ATXN1L: variants seen among roughly 807,000 people sequenced by gnomAD.
ATXN1L encodes the protein ataxin 1 like.
In ATXN1L, 8 loss-of-function variants were observed where a neutral mutation model predicts 43.4. The ratio of observed to expected loss-of-function variants is 0.18; its 90% CI spans 0.11 to 0.33. The LOEUF (loss-of-function observed/expected upper bound fraction) is 0.33, where lower values mean the gene tolerates loss of function less well. ATXN1L is among the 10% of genes least tolerant of loss of function. The probability of loss-of-function intolerance (pLI) is 1.00; values close to 1 mark genes in which losing one functional copy is unlikely to be tolerated. For missense variants in ATXN1L, 856 were observed against 885.4 expected (o/e 0.97, Z 0.42); for synonymous variants, 379 against 360.6 (o/e 1.05, Z -0.58).
chr16:71,847,196 C>T (rs2142319769), intron 1 of ATXN1L, among the ~76,000 whole-genome samples: 2 of 152,282 alleles, frequency 1.3e-5, no homozygotes, highest in South Asian at 4.1e-4. Flanking sequence ...TAGTCAGTTT[C>T]TCAGAGCACT....
In ATXN1L at chr16:71,851,527, C is replaced by G; in HGVS notation, c.1787C>G (p.Ala596Gly). Residue 596 changes from alanine to glycine, a missense_variant, in exon 3 of 3, where the codon GCT (alanine) becomes GGT (glycine). Transcript: ENST00000427980. This position sits in a 1 kb window ranked among gnomAD's most constrained non-coding sequence, Gnocchi z 4.9. The part of the protein sequence containing the change: ...NSNSVSQASC[A>G]PPSQLGPPRE... Reference sequence around the variant, plus strand: ...AACTCAGTTTCTCAGGCCAGCTGTGCTCCCCCAAGCCAGCTGGGTCCCCCC... The same window carrying G: ...AACTCAGTTTCTCAGGCCAGCTGTGGTCCCCCAAGCCAGCTGGGTCCCCCC... 1 of 1,551,584 alleles carries G rather than the reference C, an allele frequency of 6.4e-7. No homozygotes were observed. The highest frequency in any genetic ancestry group is 1.4e-5 in the African/African-American group (1 of 73,116).
rs368965014 is a variant in ATXN1L at position 71,850,078 on chromosome 16, C to T, written c.338C>T (p.Ala113Val). The change falls in exon 3 of 3, where the codon GCG (alanine) becomes GTG (valine). Residue 113 changes from alanine (A) to valine (V), a missense_variant. Ala to Val is a moderately conservative substitution (Grantham distance 64). Coordinates refer to ENST00000427980, the MANE Select transcript of ATXN1L (RefSeq NM_001137675.4). The part of the protein sequence containing the change: ...MSPLPPTFNV[A>V]SSLIQHPGIH... ...CCCTTGCCCCCAACGTTTAATGTAG[C>T]GTCTTCACTAATTCAACATCCAGGC... is the stretch of plus-strand genomic sequence containing the variant. 6.4e-7 allele frequency: 1 copy of T among 1,551,696 alleles called. No homozygotes were observed. The highest frequency in any genetic ancestry group is 8.7e-7 in the Non-Finnish European group (1 of 1,146,982).
rs2142323857 is a variant in ATXN1L at position 71,852,965 on chromosome 16, A to C, written c.*1155A>C. On this transcript the variant is annotated 3_prime_UTR_variant, in exon 3 of 3. Coordinates refer to ENST00000427980, the MANE Select transcript of ATXN1L (RefSeq NM_001137675.4). ...TCAAAATCATGTCCCCTCCACTTCC[A>C]CTGCCAAACAGCTTGGTGAAGAAAC... is the stretch of plus-strand genomic sequence containing the variant. 6.0e-6 allele frequency: 1 copy of C among 167,066 alleles called. No individual in the cohort carries two copies. The highest frequency in any genetic ancestry group is 1.9e-4 in the East Asian group (1 of 5,170). 10.3% of individuals were successfully genotyped at this position (167,066 alleles called of 1,614,324 possible). A position where few individuals can be genotyped will look rare whatever the true frequency, so the allele number is the denominator to read the frequency against.
Position 71,851,530 on chromosome 16 carries a change from C to T in ATXN1L, c.1790C>T (p.Pro597Leu). 3 of 1,551,534 alleles carry T rather than the reference C, an allele frequency of 1.9e-6. No individual in the cohort carries two copies. Among genetic ancestry groups the T allele is most frequent in the Non-Finnish European group, 8.7e-7 (1 of 1,146,948 alleles). The change falls in exon 3 of 3, where the codon CCC (proline) becomes CTC (leucine). Residue 597 changes from proline (P) to leucine (L), a missense_variant. Pro to Leu is a moderately conservative substitution (Grantham distance 98, BLOSUM62 -3). Coordinates refer to ENST00000427980, the MANE Select transcript of ATXN1L (RefSeq NM_001137675.4). This position sits in a 1 kb window ranked among gnomAD's most constrained non-coding sequence, Gnocchi z 4.9. ...SNSVSQASCA[P>L]PSQLGPPRER... The stretch of plus-strand genomic sequence containing the variant: ...TCAGTTTCTCAGGCCAGCTGTGCTC[C>T]CCCAAGCCAGCTGGGTCCCCCCCGA...
At position 71,849,617 on chromosome 16, in the gene ATXN1L, C is replaced by A. The variant is rs12597986; in HGVS notation, c.-117-7C>A. On this transcript the variant is annotated splice_region_variant and splice_polypyrimidine_tract_variant and intron_variant, in intron 2 of 2. Transcript: ENST00000427980. ...CTTTTCTTTGCCTCTGATTTGTTCCCTAATAGATGTGGGCGCCCCAGCCAG... is the reference window on the plus strand; with the variant it reads ...CTTTTCTTTGCCTCTGATTTGTTCCATAATAGATGTGGGCGCCCCAGCCAG... 1 of 1,097,620 alleles carries A rather than the reference C, an allele frequency of 9.1e-7. No individual in the cohort carries two copies. Among genetic ancestry groups the A allele is most frequent in the Non-Finnish European group, 1.3e-6 (1 of 792,818 alleles). 68.0% of individuals were successfully genotyped at this position (1,097,620 alleles called of 1,614,324 possible).
chr16:71,854,150 C>T lies in ATXN1L; in HGVS notation c.*2340C>T, dbSNP rs2033531329. On this transcript the variant is annotated 3_prime_UTR_variant, in exon 3 of 3. Coordinates refer to ENST00000427980, the MANE Select transcript of ATXN1L (RefSeq NM_001137675.4). Reference sequence around the variant, plus strand: ...CATCAACTGAATTTAGTGACATGTACACAGTAGATGCTCAAGCAGTGTCTG... The same window carrying T: ...CATCAACTGAATTTAGTGACATGTATACAGTAGATGCTCAAGCAGTGTCTG... 6.0e-6 allele frequency: 1 copy of T among 167,124 alleles called. No individual in the cohort carries two copies. 10.4% of individuals were successfully genotyped at this position (167,124 alleles called of 1,614,324 possible).
chr16:71,850,643 A>T lies in ATXN1L; in HGVS notation c.903A>T (p.Pro301=). ...AGGGTGAAGGCCAGGGACTGGTGCC[A>T]GTGGTAGAATGTGTGGTGGATGGAC... ...NSKGEGQGLV[P]VVECVVDGQL... is the part of the protein sequence containing the mutation. Residue 301 remains proline, a synonymous_variant, in exon 3 of 3, where the codon CCA becomes CCT. Transcript: ENST00000427980. 6.4e-7 allele frequency: 1 copy of T among 1,551,742 alleles called. No individual in the cohort carries two copies. The highest frequency in any genetic ancestry group is 1.2e-5 in the South Asian group (1 of 84,062).
chr16:71,847,931 G>C (rs1191468542), intron 1 of ATXN1L, 79 bp from the exon 2 acceptor site: 3 of 438,752 alleles, frequency 6.8e-6, no homozygotes, highest in African/African-American at 6.1e-5. Flanking sequence ...CTAATGCTTT[G>C]GAATTACCTT....
chr16:71,851,458 T>G lies in ATXN1L; in HGVS notation c.1718T>G (p.Val573Gly), dbSNP rs1597110749. ...LFSLPCHRLQ[V>G]GDVCISISLQ... is the part of the protein sequence containing the mutation. ...TCTCTGCCCTGCCATCGGCTACAGG[T>G]GGGAGATGTCTGCATCTCTATCAGT... Residue 573 changes from valine to glycine, a missense_variant, in exon 3 of 3, where the codon GTG becomes GGG. By Grantham distance (109) the Val-to-Gly change is moderately radical (BLOSUM62 -3). This residue lies in a region of ATXN1L where 185 missense variants were observed against 176.8 expected (regional missense o/e 1.05). Transcript: ENST00000427980. The surrounding 1 kb of genome is among the most constrained non-coding windows in gnomAD (Gnocchi z 4.9). 6.4e-7 allele frequency: 1 copy of G among 1,551,360 alleles called. No homozygotes were observed. Among genetic ancestry groups the G allele is most frequent in the Non-Finnish European group, 8.7e-7 (1 of 1,146,914 alleles).
Position 71,850,258 on chromosome 16 carries a change from A to T in ATXN1L, c.518A>T (p.His173Leu). 1 of 1,550,706 alleles carries T rather than the reference A, an allele frequency of 6.4e-7. No individual in the cohort carries two copies. Among genetic ancestry groups the T allele is most frequent in the Middle Eastern group, 1.7e-4 (1 of 5,990 alleles). The change falls in exon 3 of 3, where the codon CAC becomes CTC. Residue 173 changes from histidine to leucine, a missense_variant. Transcript: ENST00000427980. ...AACCTTGCCACCTCTCACCTTCCACACTTTGTGCCATATGCCTCACTTCTG... is the reference window on the plus strand; with the variant it reads ...AACCTTGCCACCTCTCACCTTCCACTCTTTGTGCCATATGCCTCACTTCTG... Reference protein sequence around the residue: ...SANLATSHLPHFVPYASLLAE... With the variant: ...SANLATSHLPLFVPYASLLAE...
chr16:71,846,494 G>C (rs2033444851), intron 1 of ATXN1L, among the ~76,000 whole-genome samples: 1 of 152,212 alleles, frequency 6.6e-6, no homozygotes, highest in African/African-American at 2.4e-5. Context: ...GGGACCACTG[G>C]GAGCCATAAC....
In ATXN1L at chr16:71,852,286, A is replaced by C. The variant is rs1168342519; in HGVS notation, c.*476A>C. ...AGGAGGCCCCAAGGTTGGAAATAAG[A>C]GGGTTCCCACCCAGAACCCTTCTTG... On this transcript the variant is annotated 3_prime_UTR_variant, in exon 3 of 3. Transcript: ENST00000427980. The C allele has an allele frequency of 6.0e-6, 1 of 167,322 alleles. No individual in the cohort carries two copies. The highest frequency in any genetic ancestry group is 1.9e-4 in the East Asian group (1 of 5,208). The allele number at this position is 167,322 out of a possible 1,614,324, so 10.4% of individuals were successfully genotyped here.
At position 71,850,967 on chromosome 16, in the gene ATXN1L, A is replaced by T. The variant is rs1597110598; in HGVS notation, c.1227A>T (p.Leu409Phe). ...AGGAACCAGTAAAACATAGACCTTT[A>T]CCCAAAGCAATGGTTGTAGCCAATG... is the stretch of plus-strand genomic sequence containing the variant. Reference protein sequence around the residue: ...SHQEPVKHRPLPKAMVVANGN... With the variant: ...SHQEPVKHRPFPKAMVVANGN... The change falls in exon 3 of 3, where the codon TTA becomes TTT. Residue 409 changes from leucine to phenylalanine, a missense_variant. By Grantham distance (22) the Leu-to-Phe change is conservative. Transcript: ENST00000427980. The T allele has an allele frequency of 2.6e-6, 4 of 1,551,490 alleles. No homozygotes were observed. Among genetic ancestry groups the T allele is most frequent in the Non-Finnish European group, 2.6e-6 (3 of 1,146,970 alleles).
Position 71,850,504 on chromosome 16 carries a change from C to T in ATXN1L, c.764C>T (p.Thr255Ile). The change falls in exon 3 of 3, where the codon ACC becomes ATC. Residue 255 changes from threonine (T) to isoleucine (I), a missense_variant. Thr to Ile is a moderately conservative substitution (Grantham distance 89). Coordinates refer to ENST00000427980, the MANE Select transcript of ATXN1L (RefSeq NM_001137675.4). ...TPPAGASPVLTPQESQSALEA... is the reference protein window; with the variant it reads ...TPPAGASPVLIPQESQSALEA... ...CCAGCAGGTGCCAGCCCAGTTCTTA[C>T]CCCTCAGGAGAGCCAGTCTGCTCTG... 6.4e-7 allele frequency: 1 copy of T among 1,551,724 alleles called. No individual in the cohort carries two copies. Among genetic ancestry groups the T allele is most frequent in the Middle Eastern group, 1.7e-4 (1 of 5,992 alleles).
Position 71,849,704 on chromosome 16 carries a change from C to T in ATXN1L, c.-37C>T, listed in dbSNP as rs1179015353. 6.8e-6 allele frequency: 10 copies of T among 1,462,340 alleles called. No homozygotes were observed. The highest frequency in any genetic ancestry group is 1.8e-4 in the Middle Eastern group (1 of 5,554). 90.6% of individuals were successfully genotyped at this position (1,462,340 alleles called of 1,614,324 possible). Reference sequence around the variant, plus strand: ...CCTTCTGATGCCCCAGGGAGCAAGTCGACTCCTTCCAGGCTCCAGGAACAC... The same window carrying T: ...CCTTCTGATGCCCCAGGGAGCAAGTTGACTCCTTCCAGGCTCCAGGAACAC... On this transcript the variant is annotated 5_prime_UTR_variant, in exon 3 of 3. It introduces an in-frame stop codon into an upstream open reading frame of the 5' UTR. Transcript: ENST00000427980.
Position 71,851,658 on chromosome 16 carries a change from C to A in ATXN1L, c.1918C>A (p.Pro640Thr). 4 of 1,519,110 alleles carry A rather than the reference C, an allele frequency of 2.6e-6. No homozygotes were observed. Among genetic ancestry groups the A allele is most frequent in the Non-Finnish European group, 3.5e-6 (4 of 1,127,886 alleles). 94.1% of individuals were successfully genotyped at this position (1,519,110 alleles called of 1,614,324 possible). A position where few individuals can be genotyped will look rare whatever the true frequency, so the allele number is the denominator to read the frequency against. Residue 640 changes from proline to threonine, a missense_variant, in exon 3 of 3, where the codon CCT becomes ACT. Around this residue, in one of 7 missense-constraint regions of ATXN1L, gnomAD observed 185 missense variants for 176.8 expected, o/e 1.05. Transcript: ENST00000427980. This position sits in a 1 kb window ranked among gnomAD's most constrained non-coding sequence, Gnocchi z 4.9. ...CTCCCGTGTGGTAGAGCCTTCCCAG[C>A]CTGAGTCCGGTGCTCAGGCCTGCTG... ...EGSRVVEPSQ[P>T]ESGAQACWPA...
chr16:71,851,637 C>G lies in ATXN1L; in HGVS notation c.1897C>G (p.Arg633Gly), dbSNP rs566942971. 4.9e-5 allele frequency: 75 copies of G among 1,532,582 alleles called. 2 individuals carry two copies. In the South Asian group the frequency reaches 8.5e-4, roughly 17 times the overall value. 94.9% of individuals were successfully genotyped at this position (1,532,582 alleles called of 1,614,324 possible). A position where few individuals can be genotyped will look rare whatever the true frequency, so the allele number is the denominator to read the frequency against. Residue 633 changes from arginine (R) to glycine (G), a missense_variant, in exon 3 of 3, where the codon CGT (arginine) becomes GGT (glycine). Transcript: ENST00000427980. The surrounding 1 kb of genome is among the most constrained non-coding windows in gnomAD (Gnocchi z 4.9). The stretch of plus-strand genomic sequence containing the variant: ...GAGCCAGCCGGCAGGAGAGGGCTCC[C>G]GTGTGGTAGAGCCTTCCCAGCCTGA... Reference protein sequence around the residue: ...GKSQPAGEGSRVVEPSQPESG... With the variant: ...GKSQPAGEGSGVVEPSQPESG...
At chr16:71,847,602 G>A (rs1216368256) in intron 1 of ATXN1L, among the ~76,000 whole-genome samples, 2 of 151,892 alleles carry the variant, frequency 1.3e-5, no homozygotes, top group Non-Finnish European at 2.9e-5. Context: ...AGAATAAAGG[G>A]GAAATCCATA....
chr16:71,852,568 G>A lies in ATXN1L; in HGVS notation c.*758G>A, dbSNP rs76665038. On this transcript the variant is annotated 3_prime_UTR_variant, in exon 3 of 3. Coordinates refer to ENST00000427980, the MANE Select transcript of ATXN1L (RefSeq NM_001137675.4). ...TTTGGGAGAAAGACTTGATAGCCAG[G>A]CTGACTGGGTTCTAGGCAGGCCCTC... 0.034 allele frequency: 5,606 copies of A among 167,220 alleles called. 320 individuals are homozygous for A. Among genetic ancestry groups the A allele is most frequent in the African/African-American group, 0.13 (5,285 of 41,532 alleles). 10.4% of individuals were successfully genotyped at this position (167,220 alleles called of 1,614,324 possible).
Sources: gnomAD v4.1 joint callset for allele counts (sites outside exome capture counted in the v4.1 genomes callset) on GRCh38, gnomAD v4.1.1 for gene constraint, gnomAD v4.1.1 regional missense constraint, Gnocchi (gnomAD v3.1) non-coding constraint, MANE v1.5 for transcripts, NCBI Gene and HGNC (gene_info 2026-07-23, HGNC 2026-07-21) for gene names.